Variants in ASAP1 observed in about 807,000 individuals in gnomAD.
ASAP1 encodes ArfGAP with SH3 domain, ankyrin repeat and PH domain 1.
A neutral mutation model predicts 145.2 loss-of-function variants in ASAP1; 43 were observed. The ratio of observed to expected loss-of-function variants is 0.30; its 90% CI spans 0.23 to 0.38. The LOEUF is 0.38. ASAP1 is among the 10% of genes least tolerant of loss of function. ASAP1 has a pLI of 1.00. For synonymous variants in ASAP1, 546 were observed against 515.5 expected (o/e 1.06, Z -0.80); for missense variants, 1,018 against 1,355.3 (o/e 0.75, Z 3.91).
intron 29 of ASAP1, among the ~76,000 whole-genome samples, chr8:130,057,285 G>A (rs2097406297): frequency 1.3e-5 from 2 of 152,124 alleles, no homozygotes; most frequent in Non-Finnish European, 1.5e-5. Context: ...TCTTGACTTA[G>A]CCTGCTTACT....
rs1829182114 is a variant in ASAP1, at chr8:130,409,671, T to C, written c.-27-7701A>G. On this transcript the variant is annotated intron_variant, in intron 1 of 29. Coordinates refer to ENST00000518721, the MANE Select transcript of ASAP1 (RefSeq NM_018482.4). ...CTGACAATGCCGAGGCTGCTGGACC[T>C]TAGCTTTGGCTCTGCCCCCAACCGC... 2.6e-5 allele frequency among the ~76,000 whole-genome samples: 4 copies of C among 152,358 alleles called. No homozygotes were observed. The South Asian group carries it at 8.3e-4, about 32-fold the overall frequency.
chr8:130,088,697 C>T (rs1354475287), intron 25 of ASAP1, among the ~76,000 whole-genome samples: 2 of 152,194 alleles, frequency 1.3e-5, no homozygotes, highest in Non-Finnish European at 2.9e-5. Flanking sequence ...GTATGCGTTA[C>T]AGGAGCCTCA....
At position 130,134,316 on chromosome 8, in the gene ASAP1, T is replaced by G. The variant is rs1252915957; in HGVS notation, c.1197A>C (p.Glu399Asp). 1 of 1,588,330 alleles carries G rather than the reference T, an allele frequency of 6.3e-7. No individual in the cohort carries two copies. The highest frequency in any genetic ancestry group is 2.3e-5 in the East Asian group (1 of 44,154). Residue 399 changes from glutamate to aspartate, a missense_variant, in exon 15 of 30, where the codon GAA becomes GAC. Glu to Asp is a conservative substitution (Grantham distance 45). Transcript: ENST00000518721. ...CTTACGCTACATAATCCTGCTCATC[T>G]TCTGCCTGAAAGTGATATGTTCTAT... ...SHNRTYHFQAEDEQDYVAWIS... is the reference protein window; with the variant it reads ...SHNRTYHFQADDEQDYVAWIS...
chr8:130,305,485 T>A (rs1266579010), intron 3 of ASAP1, among the ~76,000 whole-genome samples: 5 of 152,154 alleles, frequency 3.3e-5, no homozygotes, highest in Admixed American at 6.5e-5. Flanking sequence ...TGCCTCAGCC[T>A]CCTAAGTAGC....
intron 9 of ASAP1, among the ~76,000 whole-genome samples, chr8:130,176,982 G>A (rs375734794): frequency 4.6e-5 from 7 of 152,120 alleles, no homozygotes; most frequent in East Asian, 3.9e-4. Context: ...GAGCCACCGC[G>A]CCCAGCCGTC....
At chr8:130,219,846 G>C (rs1817185480) in intron 4 of ASAP1, among the ~76,000 whole-genome samples, 1 of 152,206 alleles carries the variant, frequency 6.6e-6, no homozygotes, top group African/African-American at 2.4e-5. Flanking sequence ...GTGGAGTGCA[G>C]TGGCATGAAC....
At chr8:130,149,011 A>G (rs1483647441) in intron 13 of ASAP1, among the ~76,000 whole-genome samples, 1 of 123,932 alleles carries the variant, frequency 8.1e-6, no homozygotes, top group Non-Finnish European at 1.7e-5. Flanking sequence ...TAATTTTTGC[A>G]TTTTTTTTTT....
At chr8:130,183,216 A>C (rs183248667) in intron 7 of ASAP1, among the ~76,000 whole-genome samples, 42 of 152,212 alleles carry the variant, frequency 2.8e-4, no homozygotes, top group African/African-American at 5.3e-4. Context: ...AACAAACAAC[A>C]ACCACATATC....
At chr8:130,263,735 T>A (rs1359454102) in intron 3 of ASAP1, among the ~76,000 whole-genome samples, 1 of 152,226 alleles carries the variant, frequency 6.6e-6, no homozygotes, top group African/African-American at 2.4e-5. Context: ...TTGCTCTACA[T>A]CCTAGGGCTT....
At chr8:130,297,259 T>C (rs898488397) in intron 3 of ASAP1, among the ~76,000 whole-genome samples, 9 of 152,140 alleles carry the variant, frequency 5.9e-5, no homozygotes, top group Non-Finnish European at 1.3e-4. Flanking sequence ...CCCCCATGCA[T>C]CAAAATCTGT....
chr8:130,263,022 A>C (rs1820032972), intron 3 of ASAP1, among the ~76,000 whole-genome samples: 1 of 152,246 alleles, frequency 6.6e-6, no homozygotes, highest in Non-Finnish European at 1.5e-5. Context: ...CAACATGGAA[A>C]CAGAAAAAGA....
intron 2 of ASAP1, chr8:130,361,884 C>T: frequency 9.4e-6 from 7 of 744,982 alleles, no homozygotes; most frequent in Non-Finnish European, 1.6e-5. Context: ...TGTGCGCACA[C>T]ACATATTTGT....
chr8:130,103,069 C>T (rs946939615), intron 24 of ASAP1, among the ~76,000 whole-genome samples: 86 of 151,976 alleles, frequency 5.7e-4, no homozygotes, highest in African/African-American at 1.8e-3. Context: ...TGTTGGGAGG[C>T]TTTTTATTAC....
chr8:130,357,638 G>C (rs1442719051), intron 3 of ASAP1, among the ~76,000 whole-genome samples: 1 of 152,234 alleles, frequency 6.6e-6, no homozygotes, highest in African/African-American at 2.4e-5. Flanking sequence ...GACCTTGGCT[G>C]CACTACTTCG....
chr8:130,392,215 A>G (rs1828315601), intron 2 of ASAP1, among the ~76,000 whole-genome samples: 1 of 152,194 alleles, frequency 6.6e-6, no homozygotes, highest in Non-Finnish European at 1.5e-5. Flanking sequence ...TCTGTTTTTT[A>G]AAAAGCCCCC....
At chr8:130,197,170 G>A (rs147297184) in intron 5 of ASAP1, among the ~76,000 whole-genome samples, 14 of 152,370 alleles carry the variant, frequency 9.2e-5, no homozygotes, top group African/African-American at 2.9e-4. Context: ...TGGCACATCT[G>A]TAATTCCAGC....
chr8:130,180,739 G>A lies in ASAP1; in HGVS notation c.660+12C>T, dbSNP rs772802965. ...ATAATTCTAGGCAAATGGTGGAAAAGTCCATTCTTACTTCACACATTTGGA... is the reference window on the plus strand; with the variant it reads ...ATAATTCTAGGCAAATGGTGGAAAAATCCATTCTTACTTCACACATTTGGA... On this transcript the variant is annotated intron_variant, in intron 8 of 29. Coordinates refer to ENST00000518721, the MANE Select transcript of ASAP1 (RefSeq NM_018482.4). 10 of 1,601,102 alleles carry A rather than the reference G, an allele frequency of 6.2e-6. No homozygotes were observed. The highest frequency in any genetic ancestry group is 1.8e-5 in the Admixed American group (1 of 56,132).
At chr8:130,183,994 T>A (rs1467698451) in intron 7 of ASAP1, among the ~76,000 whole-genome samples, 1 of 152,208 alleles carries the variant, frequency 6.6e-6, no homozygotes. Context: ...ATACATAATG[T>A]ACTTTATAAA....
At chr8:130,281,287 T>C (rs760679349) in intron 3 of ASAP1, among the ~76,000 whole-genome samples, 21 of 152,216 alleles carry the variant, frequency 1.4e-4, no homozygotes, top group Non-Finnish European at 2.1e-4. Context: ...ATAAACAATG[T>C]TTCCCTATCA....
Sources: allele counts gnomAD v4.1 joint callset (sites outside exome capture counted in the v4.1 genomes callset), GRCh38; gene constraint gnomAD v4.1.1; transcripts MANE v1.5; gene names NCBI Gene and HGNC (gene_info 2026-07-23, HGNC 2026-07-21).